The following GDA variants were observed in gnomAD, a reference collection of about 807,000 sequenced individuals.
GDA encodes guanine deaminase.
Under a neutral mutation model 59.6 loss-of-function variants are expected in GDA, and 18 were observed. That is an observed-to-expected ratio of 0.30 (90% CI 0.21 to 0.45). The LOEUF (loss-of-function observed/expected upper bound fraction) is 0.45. Ranked by LOEUF, GDA falls within the 20% of genes least tolerant of loss-of-function variation. The pLI, the probability that GDA is intolerant of heterozygous loss-of-function variation, is 1.00. For missense variants in GDA, 427 were observed against 552.3 expected (o/e 0.77, Z 2.27); for synonymous variants, 201 against 201.1 (o/e 1.00, Z 0.00).
At chr9:72,184,596 A>G (rs1831640283) in intron 1 of GDA, among the ~76,000 whole-genome samples, 1 of 152,130 alleles carries the variant, frequency 6.6e-6, no homozygotes, top group South Asian at 2.1e-4. Context: ...TTATTTATCC[A>G]TTCTTCTACT....
chr9:72,152,583 G>A (rs1827343814), intron 1 of GDA, among the ~76,000 whole-genome samples: 1 of 152,148 alleles, frequency 6.6e-6, no homozygotes, highest in Admixed American at 6.5e-5. Flanking sequence ...CTACATAAAT[G>A]TCTTCTTTTG....
chr9:72,233,860 TG>T (rs1301006195), intron 10 of GDA, among the ~76,000 whole-genome samples: 2 of 152,160 alleles, frequency 1.3e-5, no homozygotes, highest in African/African-American at 4.8e-5. Context: ...GAGGATCGCT[TG>T]AGCTTGGGAG....
At position 72,209,137 on chromosome 9, in the gene GDA, C is replaced by T. The variant is rs879512206; in HGVS notation, c.385-1550C>T. ...GTTTTTAGCATCTTTTCTGTACTTA[C>T]GAACTTAATATCTCACAATTATATG... On this transcript the variant is annotated intron_variant, in intron 3 of 13. Transcript: ENST00000358399. Among the ~76,000 whole-genome samples the T allele has an allele frequency of 6.0e-5, 9 of 150,980 alleles. No homozygotes were observed. In the East Asian group the frequency reaches 1.4e-3, roughly 23 times the overall value.
At chr9:72,210,610 A>G (rs1255590227) in intron 3 of GDA, 77 bp from the exon 4 acceptor site, 1 of 792,312 alleles carries the variant, frequency 1.3e-6, no homozygotes, top group Admixed American at 2.1e-5. Context: ...TAAAAACTAA[A>G]ATTCTGTTTT....
At chr9:72,180,282 G>A (rs1051858335) in intron 1 of GDA, among the ~76,000 whole-genome samples, 14 of 152,048 alleles carry the variant, frequency 9.2e-5, no homozygotes, top group Admixed American at 7.9e-4. Flanking sequence ...GCTTGAACCC[G>A]GGAGGCAGAG....
chr9:72,197,912 G>T (rs569105802), intron 2 of GDA, among the ~76,000 whole-genome samples: 11 of 152,196 alleles, frequency 7.2e-5, no homozygotes, highest in African/African-American at 2.4e-4. Flanking sequence ...CACAACTGGA[G>T]TACCATGGGC....
At chr9:72,223,541 G>C (rs1837172672) in intron 7 of GDA, among the ~76,000 whole-genome samples, 1 of 152,118 alleles carries the variant, frequency 6.6e-6, no homozygotes, top group South Asian at 2.1e-4. Context: ...TTCTCTGTAG[G>C]ATACATTTAA....
chr9:72,180,149 G>C (rs1300989226), intron 1 of GDA, among the ~76,000 whole-genome samples: 2 of 152,004 alleles, frequency 1.3e-5, no homozygotes, highest in African/African-American at 4.8e-5. Context: ...ATGAGGTCAG[G>C]AGTTTGAGAC....
At chr9:72,176,086 G>A (rs1830513334) in intron 1 of GDA, among the ~76,000 whole-genome samples, 1 of 152,166 alleles carries the variant, frequency 6.6e-6, no homozygotes, top group African/African-American at 2.4e-5. Flanking sequence ...GAGGTAAGAG[G>A]TCCCAGGCAA....
chr9:72,235,847 A>G (rs1838930517), intron 10 of GDA, among the ~76,000 whole-genome samples: 2 of 152,238 alleles, frequency 1.3e-5, no homozygotes, highest in African/African-American at 4.8e-5. Context: ...AACAAAGAAA[A>G]CATAGCAAAT....
rs770844546 is a variant in GDA, at chr9:72,225,699, A to G, written c.737A>G (p.Asp246Gly). 1 of 1,516,602 alleles carries G rather than the reference A, an allele frequency of 6.6e-7. No individual in the cohort carries two copies. The highest frequency in any genetic ancestry group is 1.2e-5 in the South Asian group (1 of 86,172). 93.9% of individuals were successfully genotyped at this position (1,516,602 alleles called of 1,614,324 possible). ...HIQSHISENR[D>G]EVEAVKNLYP... is the part of the protein sequence containing the mutation. ...TAGAGCCATATAAGTGAAAATCGTG[A>G]TGAAGTTGAAGCTGTGAAAAACTTA... Residue 246 changes from aspartate (D) to glycine (G), a missense_variant, in exon 8 of 14, where the codon GAT becomes GGT. Physicochemically the swap from Asp to Gly is moderately conservative, Grantham distance 94. Transcript: ENST00000358399.
At position 72,249,273 on chromosome 9, in the gene GDA, G is replaced by T; in HGVS notation, c.*931G>T. On this transcript the variant is annotated 3_prime_UTR_variant, in exon 14 of 14. Transcript: ENST00000358399. ...GGAGCCGCCAATACTAACAGGACAG[G>T]TTCCATTGCCATGGCCTATTCCACC... 1.2e-5 allele frequency: 12 copies of T among 985,362 alleles called. No individual in the cohort carries two copies. Among genetic ancestry groups the T allele is most frequent in the Non-Finnish European group, 1.4e-5 (12 of 829,906 alleles). The allele number at this position is 985,362 out of a possible 1,614,324, so 61.0% of individuals were successfully genotyped here.
intron 1 of GDA, among the ~76,000 whole-genome samples, chr9:72,186,003 G>A (rs1563980277): frequency 6.6e-6 from 1 of 152,116 alleles, no homozygotes; most frequent in Admixed American, 6.5e-5. Flanking sequence ...TGTGAAACTT[G>A]GTTTTTAATG....
chr9:72,232,797 T>G (rs1838509532), intron 10 of GDA, among the ~76,000 whole-genome samples: 1 of 152,218 alleles, frequency 6.6e-6, no homozygotes, highest in African/African-American at 2.4e-5. Flanking sequence ...TTTCTAGTAG[T>G]TTTTAGTCAA....
Position 72,161,199 on chromosome 9 carries a change from C to T in GDA, c.123+11517C>T, listed in dbSNP as rs564123872. 3.5e-4 allele frequency among the ~76,000 whole-genome samples: 53 copies of T among 152,216 alleles called. 1 individual carries two copies. The highest frequency in any genetic ancestry group is 1.3e-3 in the African/African-American group (53 of 41,534). Reference sequence around the variant, plus strand: ...CTGGGATTATAGGCGTGAGCCACCGCCCCGGCCTGTGTCCTACTTTCTACT... The same window carrying T: ...CTGGGATTATAGGCGTGAGCCACCGTCCCGGCCTGTGTCCTACTTTCTACT... On this transcript the variant is annotated intron_variant, in intron 1 of 13. Coordinates refer to ENST00000358399, the MANE Select transcript of GDA (RefSeq NM_004293.5).
intron 5 of GDA, chr9:72,214,931 ACCAGGTTGG>A (rs1308372216): frequency 5.3e-6 from 1 of 189,086 alleles, no homozygotes; most frequent in Non-Finnish European, 1.1e-5. Context: ...ACGTGGTTTC[ACCAGGTTGG>A]CCAGGCTGGT....
At chr9:72,200,198 G>C (rs993750026) in intron 2 of GDA, among the ~76,000 whole-genome samples, 1 of 151,758 alleles carries the variant, frequency 6.6e-6, no homozygotes, top group Non-Finnish European at 1.5e-5. Flanking sequence ...GGGTTTCACC[G>C]TGTTAGCCAG....
chr9:72,124,832 A>C (rs1825789704), intron 1 of GDA, among the ~76,000 whole-genome samples: 1 of 151,694 alleles, frequency 6.6e-6, no homozygotes. Flanking sequence ...CTGGTCTCGA[A>C]CTCCTGACCT....
intron 5 of GDA, among the ~76,000 whole-genome samples, chr9:72,218,208 C>A (rs1029799075): frequency 6.6e-6 from 1 of 152,198 alleles, no homozygotes; most frequent in Admixed American, 6.5e-5. Context: ...GCCACTGCAC[C>A]TGGCCAAAAT....
Sources: allele counts gnomAD v4.1 joint callset (sites outside exome capture counted in the v4.1 genomes callset), GRCh38; gene constraint gnomAD v4.1.1; transcripts MANE v1.5; gene names NCBI Gene and HGNC (gene_info 2026-07-23, HGNC 2026-07-21).